PTPRA: variants seen among roughly 807,000 people sequenced by gnomAD.
PTPRA encodes the protein receptor-type tyrosine-protein phosphatase alpha.
PTPRA carries 25 observed loss-of-function variants against 104.8 expected under a neutral mutation model. That is an observed-to-expected ratio of 0.24 (90% CI 0.17 to 0.33). The LOEUF is 0.33. Among genes scored for constraint, PTPRA ranks in the 10% least tolerant of loss-of-function variants. The pLI is 1.00. For synonymous variants in PTPRA, 323 were observed against 368.9 expected (o/e 0.88, Z 1.43); for missense variants, 765 against 1,015.3 (o/e 0.75, Z 3.35).
chr20:2,912,272 G>A (rs2059751266), intron 1 of PTPRA, among the ~76,000 whole-genome samples: 1 of 149,186 alleles, frequency 6.7e-6, no homozygotes, highest in Admixed American at 6.7e-5. Context: ...AAAATATACA[G>A]AAGTATAGAA....
In PTPRA at chr20:3,022,241, G is replaced by A. The variant is rs774479998; in HGVS notation, c.1328+21G>A. The A allele has an allele frequency of 1.9e-5, 31 of 1,612,570 alleles. No individual in the cohort carries two copies. Among genetic ancestry groups the A allele is most frequent in the Non-Finnish European group, 2.4e-5 (28 of 1,179,044 alleles). ...TGCAGGTCAGTGTGGCCTGACCCTT[G>A]TACCCCCACCCCCACATTTCGCCCC... On this transcript the variant is annotated intron_variant, in intron 15 of 23. Transcript: ENST00000399903. This position sits in a 1 kb window ranked among gnomAD's most constrained non-coding sequence, Gnocchi z 4.6.
intron 1 of PTPRA, among the ~76,000 whole-genome samples, chr20:2,909,981 CAT>C (rs763738209): frequency 0.017 from 1,715 of 99,290 alleles, 26 homozygotes; most frequent in Non-Finnish European, 0.024. Flanking sequence ...TATAATCTAT[CAT>C]ATATCATATA....
intron 1 of PTPRA, among the ~76,000 whole-genome samples, chr20:2,921,322 CTTTTTTTTT>C (rs11477373): frequency 9.6e-6 from 1 of 103,958 alleles, no homozygotes; most frequent in African/African-American, 3.7e-5. Context: ...TGGGAATGCG[CTTTTTTTTT>C]TTTTTTTTTT....
chr20:2,943,961 G>A (rs190128501), intron 2 of PTPRA, among the ~76,000 whole-genome samples: 3 of 151,270 alleles, frequency 2.0e-5, no homozygotes, highest in East Asian at 3.9e-4. Context: ...ATATTTTAAA[G>A]CAACAACCAT....
intron 6 of PTPRA, among the ~76,000 whole-genome samples, chr20:2,979,698 G>T (rs995439558): frequency 3.3e-5 from 5 of 151,370 alleles, no homozygotes; most frequent in African/African-American, 1.2e-4. Flanking sequence ...AGCTAATCAG[G>T]TGTTTGTTTG....
intron 11 of PTPRA, among the ~76,000 whole-genome samples, chr20:3,010,114 T>G (rs1213178378): frequency 1.3e-5 from 2 of 151,980 alleles, no homozygotes; most frequent in African/African-American, 4.8e-5. Flanking sequence ...CCTCCCAAAG[T>G]GCTGGGATTA....
At chr20:3,033,668 G>C (rs138214601) in intron 20 of PTPRA, among the ~76,000 whole-genome samples, 2 of 151,972 alleles carry the variant, frequency 1.3e-5, no homozygotes, top group African/African-American at 2.4e-5. Flanking sequence ...TTGGGAGGCC[G>C]AGGCGGGTGG....
At chr20:2,988,260 GTA>G in intron 8 of PTPRA, 76 bp from the exon 9 acceptor site, 1 of 1,554,100 alleles carries the variant, frequency 6.4e-7, no homozygotes, top group East Asian at 2.2e-5. Flanking sequence ...GGTCCATGAG[GTA>G]GAACCCCGTT....
chr20:2,991,071 C>T (rs6107218), intron 9 of PTPRA, among the ~76,000 whole-genome samples: 9 of 152,204 alleles, frequency 5.9e-5, no homozygotes, highest in Middle Eastern at 6.8e-3. Context: ...TTACCACATC[C>T]TGCCAGGCAC....
intron 2 of PTPRA, among the ~76,000 whole-genome samples, chr20:2,927,917 G>A (rs1394943947): frequency 6.6e-6 from 1 of 152,026 alleles, no homozygotes; most frequent in Non-Finnish European, 1.5e-5. Context: ...GGCTGAGGCA[G>A]GAGAATTGCT....
intron 1 of PTPRA, among the ~76,000 whole-genome samples, chr20:2,892,002 C>A (rs890614196): frequency 2.6e-5 from 4 of 151,908 alleles, no homozygotes; most frequent in Non-Finnish European, 5.9e-5. Context: ...TAGAGAGGGT[C>A]AACTGGGCCG....
intron 7 of PTPRA, among the ~76,000 whole-genome samples, chr20:2,987,528 T>C (rs2062958729): frequency 6.6e-6 from 1 of 152,112 alleles, no homozygotes; most frequent in Non-Finnish European, 1.5e-5. Context: ...CTCCCTCTGT[T>C]CTTCTGCAGG....
chr20:2,982,561 C>G (rs574464357), intron 6 of PTPRA, among the ~76,000 whole-genome samples: 1 of 152,058 alleles, frequency 6.6e-6, no homozygotes, highest in African/African-American at 2.4e-5. Flanking sequence ...AATCCTTGCT[C>G]TTGTGGAATT....
At chr20:2,932,204 C>G (rs1330683354) in intron 2 of PTPRA, among the ~76,000 whole-genome samples, 1 of 151,962 alleles carries the variant, frequency 6.6e-6, no homozygotes, top group Non-Finnish European at 1.5e-5. Flanking sequence ...AAACTGAGGG[C>G]AGGAATTAGA....
At chr20:2,883,076 C>T (rs545255355) in intron 1 of PTPRA, among the ~76,000 whole-genome samples, 1 of 151,336 alleles carries the variant, frequency 6.6e-6, no homozygotes, top group East Asian at 2.0e-4. Flanking sequence ...CCTTGACCTC[C>T]TGGGCTCGGG....
chr20:2,890,609 T>C (rs1001950028), intron 1 of PTPRA, among the ~76,000 whole-genome samples: 11 of 152,186 alleles, frequency 7.2e-5, no homozygotes, highest in Admixed American at 2.0e-4. Flanking sequence ...AATAACTTTT[T>C]ACCTTTCTGA....
intron 11 of PTPRA, among the ~76,000 whole-genome samples, chr20:3,013,578 A>G (rs1334197393): frequency 2.0e-5 from 3 of 151,886 alleles, no homozygotes; most frequent in Non-Finnish European, 2.9e-5. Flanking sequence ...ACACCTGCTA[A>G]TTTTGTATTT....
intron 6 of PTPRA, among the ~76,000 whole-genome samples, chr20:2,979,519 G>A (rs193182698): frequency 3.9e-5 from 6 of 152,232 alleles, no homozygotes; most frequent in Admixed American, 3.3e-4. Context: ...CTCCTATTTA[G>A]CCTTTCTTTT....
At chr20:2,958,147 A>C (rs1030959127) in intron 3 of PTPRA, among the ~76,000 whole-genome samples, 1 of 152,124 alleles carries the variant, frequency 6.6e-6, no homozygotes, top group Admixed American at 6.5e-5. Flanking sequence ...AAAGAATTAG[A>C]GAGGGGTTCA....
Sources: gnomAD v4.1 joint callset for allele counts (sites outside exome capture counted in the v4.1 genomes callset) on GRCh38, gnomAD v4.1.1 for gene constraint, Gnocchi (gnomAD v3.1) non-coding constraint, MANE v1.5 for transcripts, NCBI Gene and HGNC (gene_info 2026-07-23, HGNC 2026-07-21) for gene names.